GALNT7: variants seen among roughly 807,000 people sequenced by gnomAD.
GALNT7 encodes the protein N-acetylgalactosaminyltransferase 7.
GALNT7 carries 60 observed loss-of-function variants against 82.1 expected under a neutral mutation model. The ratio of observed to expected loss-of-function variants is 0.73; its 90% CI spans 0.59 to 0.91. The LOEUF (loss-of-function observed/expected upper bound fraction) is 0.91. Among genes scored for constraint, GALNT7 ranks in the 40% least tolerant of loss-of-function variants. The probability of loss-of-function intolerance (pLI) is 0.00; values close to 1 mark genes in which losing one functional copy is unlikely to be tolerated. For missense variants in GALNT7, 660 were observed against 804.2 expected, an observed-to-expected ratio of 0.82 and a Z score of 2.17; for synonymous variants, 243 against 275.1, an observed-to-expected ratio of 0.88 and a Z score of 1.15.
At chr4:173,241,386 C>T (rs981855209) in intron 1 of GALNT7, among the ~76,000 whole-genome samples, 5 of 152,124 alleles carry the variant, frequency 3.3e-5, no homozygotes, top group Non-Finnish European at 7.3e-5. Flanking sequence ...TTAAAACTTA[C>T]CTCATCTAGA....
intron 1 of GALNT7, among the ~76,000 whole-genome samples, chr4:173,228,449 A>G (rs1356595017): frequency 6.6e-6 from 1 of 151,964 alleles, no homozygotes; most frequent in Non-Finnish European, 1.5e-5. Context: ...ATAATTATAT[A>G]CTATTCAGTT....
chr4:173,238,203 AT>A (rs957522479), intron 1 of GALNT7, among the ~76,000 whole-genome samples: 3 of 151,618 alleles, frequency 2.0e-5, no homozygotes, highest in Admixed American at 6.6e-5. Flanking sequence ...CTTTGCTTTC[AT>A]TTTTTTTCTC....
At chr4:173,257,533 G>T (rs1201761677) in intron 2 of GALNT7, among the ~76,000 whole-genome samples, 1 of 152,156 alleles carries the variant, frequency 6.6e-6, no homozygotes. Flanking sequence ...CTAATTACAT[G>T]AGTTAAAATT....
chr4:173,311,448 G>A (rs1331033169), intron 8 of GALNT7, among the ~76,000 whole-genome samples: 5 of 152,234 alleles, frequency 3.3e-5, no homozygotes, highest in Non-Finnish European at 7.3e-5. Context: ...CAGTTCTGCA[G>A]GCTGTACAGG....
In GALNT7 at chr4:173,314,157, A is replaced by T. The variant is rs200173813; in HGVS notation, c.1589A>T (p.Lys530Ile). 9.9e-6 allele frequency: 16 copies of T among 1,609,396 alleles called. No individual in the cohort carries two copies. The Admixed American group carries it at 2.7e-4, about 27-fold the overall frequency. The change falls in exon 9 of 12, where the codon AAA (lysine) becomes ATA (isoleucine). Residue 530 changes from lysine (K) to isoleucine (I), a missense_variant. Coordinates refer to ENST00000265000, the MANE Select transcript of GALNT7 (RefSeq NM_017423.3). The part of the protein sequence containing the change: ...DITSHYPLPP[K>I]NVDWGEIRGF... ...ACCTCACACTACCCTTTGCCACCCA[A>T]AAATGTTGACTGGGGAGAAGTAAGT... is the stretch of plus-strand genomic sequence containing the variant.
At chr4:173,213,086 G>A (rs1412045979) in intron 1 of GALNT7, among the ~76,000 whole-genome samples, 1 of 152,064 alleles carries the variant, frequency 6.6e-6, no homozygotes, top group Non-Finnish European at 1.5e-5. Flanking sequence ...TGAGAAAAAG[G>A]TATGTATTTT....
intron 1 of GALNT7, among the ~76,000 whole-genome samples, chr4:173,220,819 A>G (rs1167637589): frequency 6.6e-6 from 1 of 152,060 alleles, no homozygotes; most frequent in Non-Finnish European, 1.5e-5. Context: ...TGTCCCTACA[A>G]AGGACGTGAA....
chr4:173,251,079 C>G (rs1441257595), intron 2 of GALNT7, among the ~76,000 whole-genome samples: 5 of 152,094 alleles, frequency 3.3e-5, no homozygotes, highest in Non-Finnish European at 4.4e-5. Context: ...AGATAAGTTC[C>G]TAAGAGCAAG....
chr4:173,293,038 T>C (rs1161584140), intron 3 of GALNT7, among the ~76,000 whole-genome samples: 3 of 152,162 alleles, frequency 2.0e-5, no homozygotes, highest in African/African-American at 7.2e-5. Flanking sequence ...TCAAGACAAA[T>C]GATACTGTTG....
At position 173,248,006 on chromosome 4, in the gene GALNT7, G is replaced by T. The variant is rs2126738724; in HGVS notation, c.153G>T (p.Met51Ile). 6.2e-7 allele frequency: 1 copy of T among 1,612,968 alleles called. No homozygotes were observed. The highest frequency in any genetic ancestry group is 2.2e-5 in the East Asian group (1 of 44,866). The change falls in exon 2 of 12, where the codon ATG becomes ATT. Residue 51 changes from methionine to isoleucine, a missense_variant. This residue lies in a region of GALNT7 where 133 missense variants were observed against 120.7 expected (regional missense o/e 1.10). Coordinates refer to ENST00000265000, the MANE Select transcript of GALNT7 (RefSeq NM_017423.3). ...AAGACAGAGATGTCAATGACCCCAT[G>T]CCCAACCGAGGCGGCAATGGACTAG... is the stretch of plus-strand genomic sequence containing the variant. ...MREDRDVNDP[M>I]PNRGGNGLAP...
intron 1 of GALNT7, among the ~76,000 whole-genome samples, chr4:173,202,517 A>T (rs922059057): frequency 6.6e-6 from 1 of 152,014 alleles, no homozygotes; most frequent in Non-Finnish European, 1.5e-5. Flanking sequence ...TTCTTAGATA[A>T]CCCTCTTCAC....
intron 1 of GALNT7, among the ~76,000 whole-genome samples, chr4:173,178,007 C>CTG (rs70944437): frequency 1.9e-3 from 265 of 137,752 alleles, no homozygotes; most frequent in African/African-American, 4.4e-3. Context: ...ATCCGCAAGT[C>CTG]TGTGTGTGTG....
At chr4:173,265,363 A>G (rs1216108184) in intron 2 of GALNT7, among the ~76,000 whole-genome samples, 2 of 152,200 alleles carry the variant, frequency 1.3e-5, no homozygotes, top group Non-Finnish European at 2.9e-5. Context: ...AATAGTTGTC[A>G]TGGTCTTTCC....
chr4:173,293,721 A>G (rs1171568604), intron 3 of GALNT7, among the ~76,000 whole-genome samples: 1 of 152,186 alleles, frequency 6.6e-6, no homozygotes, highest in African/African-American at 2.4e-5. Flanking sequence ...CCACACTCTC[A>G]GTGGCTCGCA....
intron 2 of GALNT7, among the ~76,000 whole-genome samples, chr4:173,250,816 G>C (rs1451192730): frequency 6.6e-6 from 1 of 152,078 alleles, no homozygotes; most frequent in Admixed American, 6.6e-5. Context: ...TAGTCCAGCT[G>C]TGCTGGCCTG....
chr4:173,305,584 T>G (rs191190886), intron 8 of GALNT7, among the ~76,000 whole-genome samples: 1 of 152,206 alleles, frequency 6.6e-6, no homozygotes, highest in Non-Finnish European at 1.5e-5. Context: ...TTTTTATATA[T>G]GGTGTGAGAT....
Position 173,248,033 on chromosome 4 carries a change from T to C in GALNT7, c.180T>C (p.Ala60=), listed in dbSNP as rs763692470. ...PMPNRGGNGL[A]PGEDRFKPVV... ...CCAACCGAGGCGGCAATGGACTAGCTCCTGGGGAGGACAGATTCAAACCTG... is the reference window on the plus strand; with the variant it reads ...CCAACCGAGGCGGCAATGGACTAGCCCCTGGGGAGGACAGATTCAAACCTG... The change falls in exon 2 of 12, where the codon GCT becomes GCC. Residue 60 remains alanine (A), a synonymous_variant. Coordinates refer to ENST00000265000, the MANE Select transcript of GALNT7 (RefSeq NM_017423.3). 2.5e-6 allele frequency: 4 copies of C among 1,613,612 alleles called. No homozygotes were observed. In the Admixed American group the frequency reaches 6.7e-5, roughly 27 times the overall value.
chr4:173,186,231 T>C (rs1257901972), intron 1 of GALNT7, among the ~76,000 whole-genome samples: 1 of 152,230 alleles, frequency 6.6e-6, no homozygotes, highest in Non-Finnish European at 1.5e-5. Context: ...TGTGTAATTT[T>C]CCTTATTGTG....
chr4:173,241,239 G>T, intron 1 of GALNT7, among the ~76,000 whole-genome samples: 1 of 147,692 alleles, frequency 6.8e-6, no homozygotes. Context: ...AGAAAGAAAA[G>T]AAATAGTTGA....
Sources: allele counts gnomAD v4.1 joint callset (sites outside exome capture counted in the v4.1 genomes callset), GRCh38; gene constraint gnomAD v4.1.1; regional missense constraint gnomAD v4.1.1; transcripts MANE v1.5; gene names NCBI Gene and HGNC (gene_info 2026-07-23, HGNC 2026-07-21).